The following ELF1 variants were observed in gnomAD, a reference collection of about 807,000 sequenced individuals.
ELF1 encodes E74 like ETS transcription factor 1, also known as ETS-related transcription factor Elf-1.
Under a neutral mutation model 59.9 loss-of-function variants are expected in ELF1, and 24 were observed. The observed-to-expected ratio is 0.40, with a 90% CI of 0.29 to 0.56. The LOEUF (loss-of-function observed/expected upper bound fraction) is 0.56, where lower values mean the gene tolerates loss of function less well. Among genes scored for constraint, ELF1 ranks in the 20% least tolerant of loss-of-function variants. ELF1 has a pLI of 0.44. For missense variants in ELF1, 627 were observed against 742.2 expected (o/e 0.84, Z 1.80); for synonymous variants, 248 against 266.2 (o/e 0.93, Z 0.67).
chr13:40,960,934 G>A (rs1039915404), intron 2 of ELF1, among the ~76,000 whole-genome samples: 2 of 152,086 alleles, frequency 1.3e-5, no homozygotes, highest in South Asian at 2.1e-4. Context: ...GCAGTGTGGC[G>A]ATCTTGACTC....
At chr13:40,951,044 C>T (rs889861509) in intron 4 of ELF1, among the ~76,000 whole-genome samples, 1 of 152,058 alleles carries the variant, frequency 6.6e-6, no homozygotes, top group African/African-American at 2.4e-5. Context: ...GCCCTTGATA[C>T]CCTAATACTC....
chr13:40,965,886 GATAAA>G (rs1872147524), intron 2 of ELF1, among the ~76,000 whole-genome samples: 1 of 152,160 alleles, frequency 6.6e-6, no homozygotes, highest in South Asian at 2.1e-4. Context: ...CCCCACATGG[GATAAA>G]ATAAATCAGA....
At chr13:40,966,464 C>T (rs1252923429) in intron 2 of ELF1, among the ~76,000 whole-genome samples, 1 of 152,130 alleles carries the variant, frequency 6.6e-6, no homozygotes, top group Non-Finnish European at 1.5e-5. Context: ...ACATTGTCCA[C>T]GATATAGTTT....
chr13:40,941,516 T>C (rs1383032528), intron 7 of ELF1, 146 bp from the exon 8 acceptor site: 4 of 730,468 alleles, frequency 5.5e-6, no homozygotes, highest in Non-Finnish European at 8.8e-6. Flanking sequence ...TGTTATTTTA[T>C]ATGAGATAAA....
At chr13:40,955,251 G>C (rs1187395397) in intron 3 of ELF1, among the ~76,000 whole-genome samples, 1 of 134,936 alleles carries the variant, frequency 7.4e-6, no homozygotes, top group East Asian at 2.2e-4. Context: ...TCTCCGCCTG[G>C]CAGCCACCCC....
At chr13:41,006,155 T>G (rs1254966601) in intron 1 of ELF1, among the ~76,000 whole-genome samples, 1 of 138,836 alleles carries the variant, frequency 7.2e-6, no homozygotes, top group South Asian at 2.2e-4. Flanking sequence ...ATGAATGGCT[T>G]TGAAAAACGA....
intron 2 of ELF1, among the ~76,000 whole-genome samples, chr13:40,974,078 A>T (rs1392025891): frequency 6.6e-6 from 1 of 152,226 alleles, no homozygotes; most frequent in East Asian, 1.9e-4. Context: ...GGTGATAAAC[A>T]TGTCCTAAAA....
At chr13:41,049,524 T>C (rs1876996196) in intron 1 of ELF1, among the ~76,000 whole-genome samples, 1 of 152,246 alleles carries the variant, frequency 6.6e-6, no homozygotes, top group Non-Finnish European at 1.5e-5. Context: ...ATGTCTTATA[T>C]GATTTGATAC....
chr13:41,031,133 T>A (rs1241265808), intron 1 of ELF1, among the ~76,000 whole-genome samples: 21 of 148,438 alleles, frequency 1.4e-4, no homozygotes, highest in African/African-American at 5.2e-4. Flanking sequence ...CTCTACAGCC[T>A]GGGTGAAAGA....
chr13:40,999,402 G>A (rs1055504177), intron 1 of ELF1, among the ~76,000 whole-genome samples: 2 of 152,158 alleles, frequency 1.3e-5, no homozygotes, highest in Non-Finnish European at 2.9e-5. Context: ...GTATGCGTAC[G>A]TGAATGCCGA....
chr13:41,042,328 C>CT (rs1257070518), intron 1 of ELF1, among the ~76,000 whole-genome samples: 6 of 150,670 alleles, frequency 4.0e-5, no homozygotes, highest in African/African-American at 1.2e-4. Flanking sequence ...TATTATTATA[C>CT]TTTAAGTTCA....
chr13:41,040,961 G>A (rs1876581535), intron 1 of ELF1, among the ~76,000 whole-genome samples: 1 of 152,146 alleles, frequency 6.6e-6, no homozygotes. Flanking sequence ...AAATCAACAA[G>A]TGACAAAGAA....
intron 1 of ELF1, among the ~76,000 whole-genome samples, chr13:41,057,800 G>A (rs986596219): frequency 1.3e-5 from 2 of 152,122 alleles, no homozygotes; most frequent in African/African-American, 4.8e-5. Flanking sequence ...CCTGCCAATG[G>A]CACAAGCGTT....
At chr13:41,032,803 T>C (rs747172908) in intron 1 of ELF1, among the ~76,000 whole-genome samples, 1 of 151,012 alleles carries the variant, frequency 6.6e-6, no homozygotes, top group African/African-American at 2.4e-5. Flanking sequence ...TGAGCTACAG[T>C]TGTACCACTG....
At chr13:40,982,795 T>C in intron 1 of ELF1, 3 of 813,694 alleles carry the variant, frequency 3.7e-6, no homozygotes, top group Non-Finnish European at 4.5e-6. Context: ...TAAGCAGAAA[T>C]TAAAGCCCAC....
At chr13:41,056,084 G>A (rs555966620) in intron 1 of ELF1, among the ~76,000 whole-genome samples, 2 of 152,066 alleles carry the variant, frequency 1.3e-5, no homozygotes, top group African/African-American at 4.8e-5. Context: ...CATTTATAGA[G>A]TTATAGAACT....
At chr13:40,993,785 G>A (rs559053757) in intron 1 of ELF1, among the ~76,000 whole-genome samples, 4 of 152,054 alleles carry the variant, frequency 2.6e-5, no homozygotes, top group Non-Finnish European at 5.9e-5. Flanking sequence ...GCACCTGGCC[G>A]GGTTCTTTAA....
At chr13:40,970,506 T>C (rs1281150978) in intron 2 of ELF1, among the ~76,000 whole-genome samples, 2 of 152,238 alleles carry the variant, frequency 1.3e-5, no homozygotes, top group African/African-American at 2.4e-5. Context: ...CAAAGAGCTG[T>C]ACAAGATGTT....
chr13:41,042,456 C>A (rs762504274), intron 1 of ELF1, among the ~76,000 whole-genome samples: 4 of 152,076 alleles, frequency 2.6e-5, no homozygotes, highest in South Asian at 2.1e-4. Context: ...TATCCCTCCC[C>A]ACTCCCCCGA....
Sources: gnomAD v4.1 joint callset for allele counts (sites outside exome capture counted in the v4.1 genomes callset) on GRCh38, gnomAD v4.1.1 for gene constraint, MANE v1.5 for transcripts, NCBI Gene and HGNC (gene_info 2026-07-23, HGNC 2026-07-21) for gene names.